The following UBE2K variants were observed in gnomAD, a reference collection of about 807,000 sequenced individuals.
UBE2K encodes ubiquitin-conjugating enzyme E2 K.
In UBE2K, 6 loss-of-function variants were observed where a neutral mutation model predicts 30.0. That is an observed-to-expected ratio of 0.20 (90% CI 0.11 to 0.39). The LOEUF (loss-of-function observed/expected upper bound fraction) is 0.39. UBE2K is among the 10% of genes least tolerant of loss of function. The pLI, the probability that UBE2K is intolerant of heterozygous loss-of-function variation, is 1.00. For missense variants in UBE2K, 61 were observed against 241.6 expected (o/e 0.25, Z 4.96); for synonymous variants, 86 against 83.7 (o/e 1.03, Z -0.15).
At chr4:39,722,354 T>C (rs1234176668) in intron 1 of UBE2K, among the ~76,000 whole-genome samples, 1 of 152,232 alleles carries the variant, frequency 6.6e-6, no homozygotes, top group Non-Finnish European at 1.5e-5. Flanking sequence ...ATACTTCATA[T>C]TGAATCATAT....
intron 1 of UBE2K, among the ~76,000 whole-genome samples, chr4:39,712,861 CTTTTT>C (rs542180052): frequency 7.5e-6 from 1 of 133,710 alleles, no homozygotes; most frequent in Non-Finnish European, 1.6e-5. Context: ...TTAGTGTTTA[CTTTTT>C]TTTTTTTTTT....
intron 1 of UBE2K, among the ~76,000 whole-genome samples, chr4:39,730,328 A>G (rs993118854): frequency 6.6e-6 from 1 of 151,994 alleles, no homozygotes; most frequent in African/African-American, 2.4e-5. Context: ...GGGATTACAG[A>G]CACACGTTTT....
At chr4:39,751,608 G>T (rs1448177066) in intron 3 of UBE2K, among the ~76,000 whole-genome samples, 1 of 152,176 alleles carries the variant, frequency 6.6e-6, no homozygotes, top group African/African-American at 2.4e-5. Context: ...TCAGGAGCTC[G>T]AGGATGCAGT....
chr4:39,712,113 T>G (rs1718725710), intron 1 of UBE2K, among the ~76,000 whole-genome samples: 1 of 150,108 alleles, frequency 6.7e-6, no homozygotes, highest in Admixed American at 6.6e-5. Context: ...AAAACGTAGT[T>G]ACTTGAAACC....
chr4:39,775,611 G>T (rs1713237054), intron 5 of UBE2K, among the ~76,000 whole-genome samples: 2 of 152,204 alleles, frequency 1.3e-5, no homozygotes, highest in South Asian at 4.1e-4. Context: ...AACTAGCCTG[G>T]CGTGGTGGCA....
At chr4:39,741,407 G>GTTCATT (rs912942675) in intron 2 of UBE2K, among the ~76,000 whole-genome samples, 1 of 152,134 alleles carries the variant, frequency 6.6e-6, no homozygotes, top group African/African-American at 2.4e-5. Flanking sequence ...ATTGAGAGAA[G>GTTCATT]TTCATTTTGT....
chr4:39,702,765 A>G (rs1241013258), intron 1 of UBE2K, among the ~76,000 whole-genome samples: 2 of 151,958 alleles, frequency 1.3e-5, no homozygotes, highest in African/African-American at 4.8e-5. Context: ...AAGTCTTTTG[A>G]TTTCTGTAGA....
intron 2 of UBE2K, among the ~76,000 whole-genome samples, chr4:39,742,032 G>A (rs1720728658): frequency 6.6e-6 from 1 of 152,092 alleles, no homozygotes; most frequent in Non-Finnish European, 1.5e-5. Context: ...TGTAACATAA[G>A]GGATAGAAAT....
chr4:39,722,220 C>G (rs1455747070), intron 1 of UBE2K, among the ~76,000 whole-genome samples: 1 of 152,128 alleles, frequency 6.6e-6, no homozygotes, highest in African/African-American at 2.4e-5. Context: ...CCTTCACATA[C>G]CTTTCTTTTT....
intron 2 of UBE2K, among the ~76,000 whole-genome samples, chr4:39,739,519 T>C (rs1470484601): frequency 1.4e-5 from 2 of 143,508 alleles, no homozygotes; most frequent in East Asian, 4.2e-4. Context: ...CGATCTTGGC[T>C]CACTGCAACC....
At chr4:39,762,288 C>G (rs1464642545) in intron 4 of UBE2K, among the ~76,000 whole-genome samples, 1 of 151,930 alleles carries the variant, frequency 6.6e-6, no homozygotes, top group Non-Finnish European at 1.5e-5. Context: ...TCTCAAGCAC[C>G]TGGCCTCAAG....
intron 1 of UBE2K, among the ~76,000 whole-genome samples, chr4:39,723,443 A>G (rs2109330466): frequency 7.3e-6 from 1 of 136,340 alleles, no homozygotes; most frequent in South Asian, 2.2e-4. Context: ...ATCTCTGCTC[A>G]CTGCAAGCTC....
chr4:39,698,220 C>G lies in UBE2K; in HGVS notation c.-108C>G. The G allele has an allele frequency of 9.3e-7, 1 of 1,076,518 alleles. No homozygotes were observed. The highest frequency in any genetic ancestry group is 1.4e-6 in the Non-Finnish European group (1 of 713,952). 66.7% of individuals were successfully genotyped at this position (1,076,518 alleles called of 1,614,324 possible). A position where few individuals can be genotyped will look rare whatever the true frequency, so the allele number is the denominator to read the frequency against. On this transcript the variant is annotated 5_prime_UTR_variant, in exon 1 of 7. Coordinates refer to ENST00000261427, the MANE Select transcript of UBE2K (RefSeq NM_005339.5). Reference sequence around the variant, plus strand: ...GTGGTAGTGGCAGTGTTCGTGTGCTCAGGTCTGAATCGCCGAGGGAGGAGG... The same window carrying G: ...GTGGTAGTGGCAGTGTTCGTGTGCTGAGGTCTGAATCGCCGAGGGAGGAGG...
intron 4 of UBE2K, chr4:39,770,955 C>CT (rs1281707290): frequency 8.8e-6 from 14 of 1,587,204 alleles, no homozygotes; most frequent in Non-Finnish European, 1.2e-5. Flanking sequence ...TCGGGGCTGG[C>CT]TTTGGGGTCC....
chr4:39,716,276 C>T (rs566610350), intron 1 of UBE2K, among the ~76,000 whole-genome samples: 1 of 152,246 alleles, frequency 6.6e-6, no homozygotes, highest in African/African-American at 2.4e-5. Flanking sequence ...GTCTGTCTGT[C>T]TATCTATCAT....
chr4:39,739,337 A>C lies in UBE2K; in HGVS notation c.157+1824A>C, dbSNP rs148180140. On this transcript the variant is annotated intron_variant, in intron 2 of 6. Coordinates refer to ENST00000261427, the MANE Select transcript of UBE2K (RefSeq NM_005339.5). ...TGAGCCACCGTGCCCGGCTACCCAA[A>C]ACACTTTTTAAAAATCTAATATTCT... 7.8e-4 allele frequency among the ~76,000 whole-genome samples: 117 copies of C among 150,888 alleles called. 1 individual carries two copies. The highest frequency in any genetic ancestry group is 2.8e-3 in the African/African-American group (115 of 41,060).
rs768234559 is a variant in UBE2K at position 39,774,218 on chromosome 4, C to G, written c.300-616C>G. 1.7e-3 allele frequency among the ~76,000 whole-genome samples: 261 copies of G among 149,528 alleles called. 1 individual carries two copies. Among genetic ancestry groups the G allele is most frequent in the Non-Finnish European group, 3.2e-3 (216 of 67,130 alleles). ...ACTCGTGAGGCTGAGGCAGGAGAAT[C>G]GCTTGAGCCCAGGAGGCGGAGGTTG... is the stretch of plus-strand genomic sequence containing the variant. On this transcript the variant is annotated intron_variant, in intron 4 of 6. Coordinates refer to ENST00000261427, the MANE Select transcript of UBE2K (RefSeq NM_005339.5).
chr4:39,761,030 C>G (rs1386454461), intron 4 of UBE2K: 1 of 152,204 alleles, frequency 6.6e-6, no homozygotes, highest in African/African-American at 2.4e-5. Context: ...CCTGTAGTCC[C>G]AGCTACTCAG....
intron 1 of UBE2K, among the ~76,000 whole-genome samples, chr4:39,732,797 T>G (rs1720145059): frequency 6.6e-6 from 1 of 150,492 alleles, no homozygotes; most frequent in African/African-American, 2.4e-5. Flanking sequence ...TGCCTCAGCC[T>G]CCTGAGTAGC....
Sources: gnomAD v4.1 joint callset for allele counts (sites outside exome capture counted in the v4.1 genomes callset) on GRCh38, gnomAD v4.1.1 for gene constraint, MANE v1.5 for transcripts, NCBI Gene and HGNC (gene_info 2026-07-23, HGNC 2026-07-21) for gene names.